Variants in FBXL17 observed in about 807,000 individuals in gnomAD.
FBXL17 encodes F-box and leucine rich repeat protein 17, also known as F-box/LRR-repeat protein 17.
Under a neutral mutation model 66.2 loss-of-function variants are expected in FBXL17, and 22 were observed. The ratio of observed to expected loss-of-function variants is 0.33; its 90% CI spans 0.24 to 0.47. The LOEUF is 0.47. Ranked by LOEUF, FBXL17 falls within the 20% of genes least tolerant of loss-of-function variation. FBXL17 has a pLI of 1.00. For synonymous variants in FBXL17, 474 were observed against 400.5 expected, an observed-to-expected ratio of 1.18 and a Z score of -2.19; for missense variants, 878 against 948.2, an observed-to-expected ratio of 0.93 and a Z score of 0.97.
At chr5:107,952,489 C>A (rs1447748448) in intron 7 of FBXL17, among the ~76,000 whole-genome samples, 1 of 152,118 alleles carries the variant, frequency 6.6e-6, no homozygotes, top group African/African-American at 2.4e-5. Flanking sequence ...ATTAAAGGGT[C>A]AAATCTTAAA....
intron 6 of FBXL17, among the ~76,000 whole-genome samples, chr5:108,035,621 C>T (rs1055919159): frequency 1.3e-5 from 2 of 152,126 alleles, no homozygotes; most frequent in African/African-American, 2.4e-5. Flanking sequence ...CCCGCCTCGG[C>T]CTCCCAAAGT....
intron 4 of FBXL17, among the ~76,000 whole-genome samples, chr5:108,237,168 T>G (rs774871743): frequency 3.9e-5 from 6 of 152,216 alleles, no homozygotes; most frequent in Non-Finnish European, 7.3e-5. Flanking sequence ...GTGTGTCTAA[T>G]GAAGGGTTTA....
chr5:108,082,989 T>G (rs1240971469), intron 6 of FBXL17, among the ~76,000 whole-genome samples: 1 of 152,216 alleles, frequency 6.6e-6, no homozygotes, highest in African/African-American at 2.4e-5. Context: ...AGCAATGTTG[T>G]GTAGCAGTAT....
intron 6 of FBXL17, among the ~76,000 whole-genome samples, chr5:108,037,665 C>T (rs928838438): frequency 6.6e-6 from 1 of 152,162 alleles, no homozygotes; most frequent in Non-Finnish European, 1.5e-5. Context: ...TTGCAGACCT[C>T]AGCAAGTTAG....
chr5:108,122,654 C>A (rs375889961), intron 6 of FBXL17, among the ~76,000 whole-genome samples: 2 of 152,076 alleles, frequency 1.3e-5, no homozygotes, highest in Non-Finnish European at 2.9e-5. Context: ...ATTGTGTATT[C>A]ACACAAAAGC....
intron 4 of FBXL17, among the ~76,000 whole-genome samples, chr5:108,239,330 G>A (rs992593503): frequency 2.6e-5 from 4 of 152,154 alleles, no homozygotes; most frequent in African/African-American, 7.2e-5. Context: ...TACTTGAATT[G>A]CCAACACCAC....
intron 5 of FBXL17, among the ~76,000 whole-genome samples, chr5:108,218,661 G>T (rs1157489685): frequency 6.6e-6 from 1 of 151,198 alleles, no homozygotes; most frequent in East Asian, 2.0e-4. Flanking sequence ...GTTTTAATTT[G>T]CATTTCTCTG....
intron 4 of FBXL17, among the ~76,000 whole-genome samples, chr5:108,286,891 C>A (rs1351900706): frequency 6.6e-6 from 1 of 151,838 alleles, no homozygotes; most frequent in African/African-American, 2.4e-5. Flanking sequence ...TACTACAAGG[C>A]TATGGTAACC....
intron 4 of FBXL17, among the ~76,000 whole-genome samples, chr5:108,294,386 A>G (rs1003735022): frequency 3.3e-5 from 5 of 151,524 alleles, no homozygotes; most frequent in Non-Finnish European, 5.9e-5. Flanking sequence ...TCTGAAGTGT[A>G]TACTTTTTGT....
intron 6 of FBXL17, among the ~76,000 whole-genome samples, chr5:108,147,929 T>C (rs964295479): frequency 5.5e-4 from 83 of 151,286 alleles, no homozygotes; most frequent in Non-Finnish European, 1.6e-4. Flanking sequence ...ACTCATAATG[T>C]AGAATTTAAT....
chr5:108,056,574 T>C (rs1351925636), intron 6 of FBXL17, among the ~76,000 whole-genome samples: 10 of 152,310 alleles, frequency 6.6e-5, no homozygotes, highest in Non-Finnish European at 2.9e-5. Context: ...AATATATTGA[T>C]GCAGATAAGA....
chr5:108,008,780 A>C (rs1208554773), intron 7 of FBXL17, among the ~76,000 whole-genome samples: 1 of 152,114 alleles, frequency 6.6e-6, no homozygotes, highest in Non-Finnish European at 1.5e-5. Flanking sequence ...CTGGACTTCA[A>C]ACCTCCAAAT....
chr5:108,228,090 C>A (rs1488597973), intron 4 of FBXL17, among the ~76,000 whole-genome samples: 1 of 152,108 alleles, frequency 6.6e-6, no homozygotes, highest in African/African-American at 2.4e-5. Context: ...AAATGTGCTT[C>A]TTGGGTCTTT....
intron 6 of FBXL17, among the ~76,000 whole-genome samples, chr5:108,170,697 C>G (rs551903048): frequency 6.6e-6 from 1 of 152,166 alleles, no homozygotes; most frequent in South Asian, 2.1e-4. Context: ...CCAGGCCCGG[C>G]TAATTTTTGT....
At chr5:107,984,599 T>C (rs1396899006) in intron 7 of FBXL17, among the ~76,000 whole-genome samples, 3 of 152,170 alleles carry the variant, frequency 2.0e-5, no homozygotes, top group African/African-American at 7.2e-5. Flanking sequence ...ACGCACGCCT[T>C]TGTTTCTTGA....
At chr5:108,217,913 C>T (rs1476155268) in intron 5 of FBXL17, among the ~76,000 whole-genome samples, 2 of 152,030 alleles carry the variant, frequency 1.3e-5, no homozygotes, top group Non-Finnish European at 2.9e-5. Context: ...ACATAATCTC[C>T]CTCCAGGTTC....
chr5:108,158,160 T>C (rs1752066748), intron 6 of FBXL17, among the ~76,000 whole-genome samples: 1 of 152,086 alleles, frequency 6.6e-6, no homozygotes, highest in African/African-American at 2.4e-5. Flanking sequence ...TATAAAACTA[T>C]TAAAACTCAT....
At chr5:108,313,029 T>C (rs1049673885) in intron 4 of FBXL17, among the ~76,000 whole-genome samples, 2 of 152,108 alleles carry the variant, frequency 1.3e-5, no homozygotes, top group African/African-American at 4.8e-5. Flanking sequence ...TAATCAAATG[T>C]TAGTTACTAA....
rs538752426 is a variant in FBXL17, at chr5:108,101,103, A to C, written c.1746-80102T>G. On this transcript the variant is annotated intron_variant, in intron 6 of 8. Coordinates refer to ENST00000542267, the MANE Select transcript of FBXL17 (RefSeq NM_001163315.3). ...CTTAAATTTCAGAGAGCTCCCAAATAAAAGAGTAGAGCTATGCCATTTTTA... is the reference window on the plus strand; with the variant it reads ...CTTAAATTTCAGAGAGCTCCCAAATCAAAGAGTAGAGCTATGCCATTTTTA... Among the ~76,000 whole-genome samples, 4 of 152,316 alleles carry C rather than the reference A, an allele frequency of 2.6e-5. No individual in the cohort carries two copies. The South Asian group carries it at 8.3e-4, about 32-fold the overall frequency.
Sources: allele counts gnomAD v4.1 joint callset (sites outside exome capture counted in the v4.1 genomes callset), GRCh38; gene constraint gnomAD v4.1.1; transcripts MANE v1.5; gene names NCBI Gene and HGNC (gene_info 2026-07-23, HGNC 2026-07-21).